CNTNAP5: variants seen among roughly 807,000 people sequenced by gnomAD.
CNTNAP5 encodes the protein contactin-associated protein-like 5.
CNTNAP5 carries 72 observed loss-of-function variants against 150.2 expected under a neutral mutation model. The observed-to-expected ratio is 0.48, with a 90% confidence interval of 0.40 to 0.58. The LOEUF (loss-of-function observed/expected upper bound fraction) is 0.58. CNTNAP5 is among the 20% of genes least tolerant of loss of function. CNTNAP5 has a pLI of 0.00. For missense variants in CNTNAP5, 1,636 were observed against 1,626.2 expected, an observed-to-expected ratio of 1.01 and a Z score of -0.10; for synonymous variants, 672 against 619.8, an observed-to-expected ratio of 1.08 and a Z score of -1.25.
chr2:124,099,827 C>G (rs879748741), intron 1 of CNTNAP5, among the ~76,000 whole-genome samples: 1 of 152,044 alleles, frequency 6.6e-6, no homozygotes, highest in African/African-American at 2.4e-5. Context: ...TTTTCAAAAA[C>G]CAGATCTCAT....
At chr2:124,720,488 T>A (rs1244598369) in intron 13 of CNTNAP5, among the ~76,000 whole-genome samples, 1 of 152,188 alleles carries the variant, frequency 6.6e-6, no homozygotes, top group Non-Finnish European at 1.5e-5. Context: ...ACTTAGCAGC[T>A]GATCATATTT....
chr2:124,860,679 A>T (rs1677506648), intron 19 of CNTNAP5, among the ~76,000 whole-genome samples: 1 of 151,996 alleles, frequency 6.6e-6, no homozygotes, highest in African/African-American at 2.4e-5. Flanking sequence ...GCTCCCAAGG[A>T]TTTTATTGAT....
At chr2:124,580,116 A>T (rs553265016) in intron 11 of CNTNAP5, among the ~76,000 whole-genome samples, 42 of 152,330 alleles carry the variant, frequency 2.8e-4, no homozygotes, top group Non-Finnish European at 3.4e-4. Context: ...AAAACTCACT[A>T]TTCTGCTATT....
intron 19 of CNTNAP5, among the ~76,000 whole-genome samples, chr2:124,804,541 A>G (rs1682041173): frequency 6.6e-6 from 1 of 152,184 alleles, no homozygotes; most frequent in Non-Finnish European, 1.5e-5. Context: ...AAATGAAATT[A>G]TAAGATCGGA....
rs1201713955 is a variant in CNTNAP5, at chr2:124,206,780, A to G, written c.83-14925A>G. ...CTCTGTCCCAGGGAGTACCCTAGAA[A>G]ATCAAAAGCTGTTTCCTGGGTGAGT... On this transcript the variant is annotated intron_variant, in intron 1 of 23. Coordinates refer to ENST00000682447, the MANE Select transcript of CNTNAP5 (RefSeq NM_001367498.1). Among the ~76,000 whole-genome samples the G allele has an allele frequency of 2.0e-5, 3 of 152,264 alleles. No individual in the cohort carries two copies. The East Asian group carries it at 5.8e-4, about 29-fold the overall frequency.
At chr2:124,716,653 C>A (rs1163736686) in intron 13 of CNTNAP5, among the ~76,000 whole-genome samples, 1 of 152,016 alleles carries the variant, frequency 6.6e-6, no homozygotes, top group African/African-American at 2.4e-5. Context: ...CAAACACCTA[C>A]CATGAGTAAA....
intron 1 of CNTNAP5, among the ~76,000 whole-genome samples, chr2:124,051,200 C>CAA (rs140219734): frequency 1.1e-4 from 16 of 148,118 alleles, no homozygotes; most frequent in Non-Finnish European, 2.4e-4. Flanking sequence ...TCTCTTTCCT[C>CAA]AAAAAAAAAA....
intron 1 of CNTNAP5, among the ~76,000 whole-genome samples, chr2:124,121,286 G>C (rs1024061014): frequency 6.6e-6 from 1 of 152,108 alleles, no homozygotes; most frequent in Admixed American, 6.6e-5. Flanking sequence ...GGTACAGACT[G>C]ACCCTTTAAA....
chr2:124,247,475 A>T (rs55937534), intron 3 of CNTNAP5, among the ~76,000 whole-genome samples: 25,565 of 152,134 alleles, frequency 0.17, 2,491 homozygotes, highest in Non-Finnish European at 0.23. Context: ...GTTCCTGGCA[A>T]TATATGAATG....
chr2:124,706,852 G>A lies in CNTNAP5; in HGVS notation c.2078-40377G>A, dbSNP rs1167052383. ...AGAGGAGGAGGGGGAGGAAGGAGGAGGAGGAGAAGGAGAAGGGGAAAGGGA... is the reference window on the plus strand; with the variant it reads ...AGAGGAGGAGGGGGAGGAAGGAGGAAGAGGAGAAGGAGAAGGGGAAAGGGA... On this transcript the variant is annotated intron_variant, in intron 13 of 23. Transcript: ENST00000682447. Among the ~76,000 whole-genome samples the A allele has an allele frequency of 2.3e-3, 290 of 128,726 alleles. 29 individuals carry two copies. The highest frequency in any genetic ancestry group is 8.8e-3 in the African/African-American group (278 of 31,670). The allele number at this position is 128,726 out of a possible 152,430, so 84.4% of individuals were successfully genotyped here.
chr2:124,323,923 A>G (rs1440504917), intron 3 of CNTNAP5, among the ~76,000 whole-genome samples: 1 of 152,060 alleles, frequency 6.6e-6, no homozygotes, highest in Non-Finnish European at 1.5e-5. Context: ...GAAAGAGAGC[A>G]ATAGAGATTT....
chr2:124,898,466 G>A (rs1402535327), intron 21 of CNTNAP5, among the ~76,000 whole-genome samples: 1 of 151,426 alleles, frequency 6.6e-6, no homozygotes, highest in Non-Finnish European at 1.5e-5. Context: ...AAAGTGTTGT[G>A]CATTCTGAGG....
chr2:124,802,149 A>G (rs2104646704), intron 19 of CNTNAP5, among the ~76,000 whole-genome samples: 1 of 152,282 alleles, frequency 6.6e-6, no homozygotes, highest in East Asian at 1.9e-4. Flanking sequence ...TAATTTTAGC[A>G]CTCTGGGTTA....
chr2:124,675,907 A>AT (rs145368002), intron 13 of CNTNAP5, among the ~76,000 whole-genome samples: 3,246 of 152,276 alleles, frequency 0.021, 44 homozygotes, highest in Middle Eastern at 0.037. Flanking sequence ...TGTATGGGCC[A>AT]TAATTTCCTG....
chr2:124,263,983 T>G (rs926599517), intron 3 of CNTNAP5, among the ~76,000 whole-genome samples: 2 of 152,142 alleles, frequency 1.3e-5, no homozygotes, highest in Non-Finnish European at 2.9e-5. Flanking sequence ...TTTCTGAGGG[T>G]TCTGTTCTGT....
At chr2:124,420,841 G>A (rs1692085599) in intron 4 of CNTNAP5, among the ~76,000 whole-genome samples, 1 of 152,094 alleles carries the variant, frequency 6.6e-6, no homozygotes, top group African/African-American at 2.4e-5. Context: ...CTTGCAATTA[G>A]TCTCTTAATA....
At chr2:124,861,566 T>A (rs1677524475) in intron 19 of CNTNAP5, among the ~76,000 whole-genome samples, 1 of 151,740 alleles carries the variant, frequency 6.6e-6, no homozygotes, top group African/African-American at 2.4e-5. Context: ...CCAGCCAGGG[T>A]GGCAGAGTGA....
chr2:124,298,569 C>T (rs1001065908), intron 3 of CNTNAP5, among the ~76,000 whole-genome samples: 7 of 152,180 alleles, frequency 4.6e-5, no homozygotes, highest in African/African-American at 1.4e-4. Context: ...AGTAAATTTA[C>T]TTAATCTAAA....
In CNTNAP5 at chr2:124,434,594, G is replaced by C; in HGVS notation, c.640G>C (p.Gly214Arg). 3 of 1,613,958 alleles carry C rather than the reference G, an allele frequency of 1.9e-6. No homozygotes were observed. Among genetic ancestry groups the C allele is most frequent in the Non-Finnish European group, 2.5e-6 (3 of 1,179,854 alleles). Residue 214 changes from glycine (G) to arginine (R), a missense_variant, in exon 5 of 24, where the codon GGA (glycine) becomes CGA (arginine). Gly to Arg is a moderately radical substitution (Grantham distance 125, BLOSUM62 -2). Coordinates refer to ENST00000682447, the MANE Select transcript of CNTNAP5 (RefSeq NM_001367498.1). The part of the protein sequence containing the change: ...VISLKFKSMQ[G>R]DGVLFHGEGQ... ...CTCCCTGAAGTTCAAGAGCATGCAA[G>C]GAGATGGGGTCCTGTTCCATGGAGA...
Sources: gnomAD v4.1 joint callset for allele counts (sites outside exome capture counted in the v4.1 genomes callset) on GRCh38, gnomAD v4.1.1 for gene constraint, MANE v1.5 for transcripts, NCBI Gene and HGNC (gene_info 2026-07-23, HGNC 2026-07-21) for gene names.